The following PRRC1 variants were observed in gnomAD, a reference collection of about 807,000 sequenced individuals.
PRRC1 encodes the protein proline rich coiled-coil 1.
In PRRC1, 39 loss-of-function variants were observed where a neutral mutation model predicts 40.7. The ratio of observed to expected loss-of-function variants is 0.96; its 90% CI spans 0.74 to 1.25. The LOEUF (loss-of-function observed/expected upper bound fraction) is 1.25, where lower values mean the gene tolerates loss of function less well. Ranked by LOEUF, PRRC1 falls within the 50% of genes most tolerant of loss-of-function variation. The probability of loss-of-function intolerance (pLI) is 0.00; values close to 1 mark genes in which losing one functional copy is unlikely to be tolerated. For synonymous variants in PRRC1, 175 were observed against 193.3 expected (o/e 0.91, Z 0.79); for missense variants, 573 against 548.3 (o/e 1.05, Z -0.45).
chr5:127,539,228 T>C (rs1019863856), intron 7 of PRRC1, 85 bp downstream of exon 7: 7 of 940,674 alleles, frequency 7.4e-6, no homozygotes, highest in Non-Finnish European at 1.2e-5. Flanking sequence ...GTGTCTCCTG[T>C]TTTATAACCA....
At chr5:127,527,237 C>T (rs1022802448) in intron 4 of PRRC1, among the ~76,000 whole-genome samples, 24 of 151,906 alleles carry the variant, frequency 1.6e-4, no homozygotes, top group African/African-American at 4.4e-4. Context: ...TTATTATGCA[C>T]AACATGATGT....
intron 7 of PRRC1, among the ~76,000 whole-genome samples, chr5:127,542,820 CTT>C (rs1345354916): frequency 2.0e-5 from 3 of 151,430 alleles, no homozygotes; most frequent in African/African-American, 4.9e-5. Flanking sequence ...GGTCTTGACT[CTT>C]TATCCAATTT....
intron 6 of PRRC1, among the ~76,000 whole-genome samples, chr5:127,535,566 CAT>C (rs2127102971): frequency 6.6e-6 from 1 of 152,272 alleles, no homozygotes; most frequent in Non-Finnish European, 1.5e-5. Flanking sequence ...AAATAAATTT[CAT>C]GTGTAGTCAA....
intron 7 of PRRC1, among the ~76,000 whole-genome samples, chr5:127,543,245 G>A (rs1284452891): frequency 6.6e-6 from 1 of 152,176 alleles, no homozygotes; most frequent in South Asian, 2.1e-4. Flanking sequence ...GAGATCTGCT[G>A]TTAGTCTCAT....
At chr5:127,541,920 T>G (rs1480108858) in intron 7 of PRRC1, among the ~76,000 whole-genome samples, 1 of 151,736 alleles carries the variant, frequency 6.6e-6, no homozygotes, top group Non-Finnish European at 1.5e-5. Flanking sequence ...TCTGCTAGCT[T>G]TTGAATGTGT....
At chr5:127,529,249 A>C (rs1005571922) in intron 4 of PRRC1, among the ~76,000 whole-genome samples, 1 of 151,794 alleles carries the variant, frequency 6.6e-6, no homozygotes, top group Non-Finnish European at 1.5e-5. Context: ...TTAAAGATTT[A>C]AAATTGGTAG....
intron 7 of PRRC1, among the ~76,000 whole-genome samples, chr5:127,545,796 ATCT>A (rs1248798994): frequency 2.0e-5 from 3 of 151,662 alleles, no homozygotes; most frequent in Non-Finnish European, 4.4e-5. Context: ...AAAAAAAGTC[ATCT>A]CTCCATCTTC....
chr5:127,545,557 G>A (rs1457902961), intron 7 of PRRC1, among the ~76,000 whole-genome samples: 1 of 148,586 alleles, frequency 6.7e-6, no homozygotes, highest in African/African-American at 2.5e-5. Flanking sequence ...AACATCACAT[G>A]TTCTCACTCA....
intron 4 of PRRC1, among the ~76,000 whole-genome samples, chr5:127,527,505 C>T (rs1308424242): frequency 2.0e-5 from 3 of 152,078 alleles, no homozygotes; most frequent in Non-Finnish European, 2.9e-5. Flanking sequence ...GTAATCTTAA[C>T]ACTTTGGGAA....
intron 3 of PRRC1, among the ~76,000 whole-genome samples, chr5:127,525,266 C>T (rs1164605692): frequency 2.6e-5 from 4 of 152,202 alleles, no homozygotes; most frequent in African/African-American, 9.7e-5. Flanking sequence ...TCTTTTGTGA[C>T]TGGCAACTTT....
At chr5:127,523,075 G>C (rs1767501991) in intron 1 of PRRC1, among the ~76,000 whole-genome samples, 1 of 152,114 alleles carries the variant, frequency 6.6e-6, no homozygotes, top group Admixed American at 6.5e-5. Flanking sequence ...GCCTCCCAGA[G>C]TGCTGGGATT....
intron 8 of PRRC1, chr5:127,549,214 C>T (rs1253031737): frequency 6.6e-6 from 1 of 151,466 alleles, no homozygotes; most frequent in South Asian, 2.1e-4. Flanking sequence ...ACAAAATGTT[C>T]AGAGATGATT....
rs1187500217 is a variant in PRRC1, at chr5:127,550,735, A to AGT, written c.1129-971_1129-970dup. 3 of 152,332 alleles carry AGT rather than the reference A, an allele frequency of 2.0e-5. 1 individual carries two copies. The highest frequency in any genetic ancestry group is 2.0e-4 in the Admixed American group (3 of 15,296). The allele number at this position is 152,332 out of a possible 1,614,324, so 9.4% of individuals were successfully genotyped here. A position where few individuals can be genotyped will look rare whatever the true frequency, so the allele number is the denominator to read the frequency against. On this transcript the variant is annotated intron_variant, in intron 8 of 8. Transcript: ENST00000296666. ...TGTTACTGGTGTCTCTGAGGACGTT[A>AGT]GTAGTATATCTGCTGTTTCTCTTTG...
At chr5:127,521,752 C>T (rs780888378) in intron 1 of PRRC1, among the ~76,000 whole-genome samples, 70 of 152,278 alleles carry the variant, frequency 4.6e-4, no homozygotes, top group Non-Finnish European at 7.5e-4. Context: ...TCTCCCTTCA[C>T]ATGGATTTTA....
intron 2 of PRRC1, chr5:127,523,938 G>T (rs1196072783): frequency 5.9e-6 from 1 of 170,100 alleles, no homozygotes; most frequent in Non-Finnish European, 1.3e-5. Context: ...GCAGTGGTGC[G>T]ATCTCATCTC....
intron 7 of PRRC1, among the ~76,000 whole-genome samples, chr5:127,539,421 G>C (rs1767981185): frequency 1.3e-5 from 2 of 151,982 alleles, no homozygotes; most frequent in South Asian, 4.1e-4. Flanking sequence ...GATAGATTTG[G>C]TGTGGATATA....
chr5:127,518,165 C>T (rs1381961757), intron 1 of PRRC1, among the ~76,000 whole-genome samples: 1 of 152,176 alleles, frequency 6.6e-6, no homozygotes, highest in Non-Finnish European at 1.5e-5. Context: ...TTAGCCCGGC[C>T]CTGTCTGGCC....
At chr5:127,535,449 C>G (rs376896811) in intron 6 of PRRC1, among the ~76,000 whole-genome samples, 1 of 152,276 alleles carries the variant, frequency 6.6e-6, no homozygotes, top group East Asian at 1.9e-4. Context: ...ATTGTGTCAG[C>G]TGAAAGAAGA....
chr5:127,531,339 C>G (rs1767765199), intron 5 of PRRC1, among the ~76,000 whole-genome samples: 2 of 152,112 alleles, frequency 1.3e-5, no homozygotes, highest in South Asian at 4.1e-4. Flanking sequence ...TTACACTTAG[C>G]CACTTTGCTT....
Sources: allele counts gnomAD v4.1 joint callset (sites outside exome capture counted in the v4.1 genomes callset), GRCh38; gene constraint gnomAD v4.1.1; transcripts MANE v1.5; gene names NCBI Gene and HGNC (gene_info 2026-07-23, HGNC 2026-07-21).